Variants in ARHGEF9 observed in about 807,000 individuals in gnomAD.
The protein encoded by ARHGEF9 is Cdc42 guanine nucleotide exchange factor 9.
In ARHGEF9, 2 loss-of-function variants were observed where a neutral mutation model predicts 41.3. The observed-to-expected ratio is 0.05, with a 90% CI of 0.02 to 0.15. ARHGEF9 has a LOEUF of 0.15. Ranked by LOEUF, ARHGEF9 falls within the 10% of genes least tolerant of loss-of-function variation. The pLI is 1.00. For missense variants in ARHGEF9, 225 were observed against 424.7 expected (o/e 0.53, Z 4.13); for synonymous variants, 160 against 154.4 (o/e 1.04, Z -0.27).
intron 1 of ARHGEF9, among the ~76,000 whole-genome samples, chrX:63,765,859 C>A (rs1263145522): frequency 8.9e-6 from 1 of 111,764 alleles, no homozygotes; most frequent in Non-Finnish European, 1.9e-5. Flanking sequence ...AAATAAGGAA[C>A]TAGAAAAAAT....
intron 8 of ARHGEF9, among the ~76,000 whole-genome samples, chrX:63,648,607 C>A (rs1404267925): frequency 1.8e-5 from 2 of 111,336 alleles, no homozygotes; most frequent in African/African-American, 3.3e-5. Flanking sequence ...ACAATACTAA[C>A]CTTAAATGTA....
chrX:63,720,807 T>G (rs1556413268), intron 2 of ARHGEF9, among the ~76,000 whole-genome samples: 2 of 112,672 alleles, frequency 1.8e-5, no homozygotes, highest in Non-Finnish European at 3.7e-5. Flanking sequence ...CTCACTGTGC[T>G]TCTTTAAAAA....
intron 2 of ARHGEF9, among the ~76,000 whole-genome samples, chrX:63,720,744 A>G (rs1473830990): frequency 8.9e-6 from 1 of 112,348 alleles, no homozygotes; most frequent in Non-Finnish European, 1.9e-5. Context: ...ACCAATGGCA[A>G]CAAGCTGGGT....
chrX:63,678,634 G>A, intron 4 of ARHGEF9, 62 bp from the exon 5 acceptor site: 1 of 786,844 alleles, frequency 1.3e-6, no homozygotes, highest in Non-Finnish European at 1.9e-6. Flanking sequence ...AAGTCTTGAA[G>A]TAATGGAAAG....
At chrX:63,717,707 GTATTAT>G (rs2053397879) in intron 2 of ARHGEF9, among the ~76,000 whole-genome samples, 2 of 111,890 alleles carry the variant, frequency 1.8e-5, no homozygotes, top group Non-Finnish European at 3.8e-5. Flanking sequence ...AGTATTACCA[GTATTAT>G]TATTGAGTGT....
chrX:63,647,495 G>T (rs781901033), intron 8 of ARHGEF9, among the ~76,000 whole-genome samples: 1 of 111,660 alleles, frequency 9.0e-6, no homozygotes, highest in Non-Finnish European at 1.9e-5. Context: ...TAATCATGTG[G>T]TTTTTGTCAT....
chrX:63,706,480 G>A (rs1556402304), intron 2 of ARHGEF9, 31 bp from the exon 3 acceptor site: 1 of 1,178,548 alleles, frequency 8.5e-7, no homozygotes, highest in African/African-American at 1.8e-5. Context: ...AAAATAATGA[G>A]TTAGCTTCCT....
In ARHGEF9 at chrX:63,785,207, C is replaced by A. The variant is rs2056442952; in HGVS notation, c.-62G>T. On this transcript the variant is annotated 5_prime_UTR_variant, in exon 1 of 10. Transcript: ENST00000671741. ...GCTGGCGCGAGTTGTCGCGGGCTGA[C>A]TAGAAGGGCTGGGCTGAAGCAAGCG... The A allele has an allele frequency of 8.9e-7, 1 of 1,123,176 alleles. No individual in the cohort carries two copies. The highest frequency in any genetic ancestry group is 1.2e-6 in the Non-Finnish European group (1 of 837,263). The allele number at this position is 1,123,176 out of a possible 1,213,427, so 92.6% of individuals were successfully genotyped here.
intron 7 of ARHGEF9, 66 bp from the exon 8 acceptor site, chrX:63,655,803 G>A: frequency 8.6e-7 from 1 of 1,159,315 alleles, no homozygotes; most frequent in Non-Finnish European, 1.2e-6. Flanking sequence ...GTTGGCACAG[G>A]GGCACAGCAG....
intron 6 of ARHGEF9, among the ~76,000 whole-genome samples, chrX:63,671,056 CT>C (rs1401728326): frequency 8.9e-6 from 1 of 112,550 alleles, no homozygotes; most frequent in African/African-American, 3.2e-5. Context: ...AAGGTTTCCC[CT>C]ATGACTCCTC....
chrX:63,678,586 A>C lies in ARHGEF9; in HGVS notation c.583-14T>G. The C allele has an allele frequency of 1.7e-6, 2 of 1,150,572 alleles. No homozygotes were observed. Among genetic ancestry groups the C allele is most frequent in the South Asian group, 1.9e-5 (1 of 52,999 alleles). The allele number at this position is 1,150,572 out of a possible 1,213,427, so 94.8% of individuals were successfully genotyped here. ...GAATCCATCTTGCTGTGGGAAAAGA[A>C]AAAAAGGAAAGGAAAAGTCTACCAA... is the stretch of plus-strand genomic sequence containing the variant. On this transcript the variant is annotated splice_polypyrimidine_tract_variant and intron_variant, in intron 4 of 9. Transcript: ENST00000671741.
At chrX:63,671,299 A>G (rs1237975653) in intron 6 of ARHGEF9, 1 of 111,637 alleles carries the variant, frequency 9.0e-6, no homozygotes, top group Non-Finnish European at 1.9e-5. Context: ...ATACCAGGGA[A>G]CCTGTGAAAT....
intron 8 of ARHGEF9, among the ~76,000 whole-genome samples, chrX:63,647,979 G>T (rs2147173554): frequency 1.8e-5 from 2 of 111,542 alleles, no homozygotes; most frequent in East Asian, 2.8e-4. Flanking sequence ...TCTGATTGGT[G>T]TACCTGAAAG....
chrX:63,754,516 A>T, intron 1 of ARHGEF9: 1 of 1,093,744 alleles, frequency 9.1e-7, no homozygotes. Context: ...CATGAGTATG[A>T]CATTGACAAG....
intron 1 of ARHGEF9, among the ~76,000 whole-genome samples, chrX:63,737,294 T>C (rs1264733273): frequency 1.8e-5 from 2 of 112,574 alleles, no homozygotes; most frequent in East Asian, 5.6e-4. Flanking sequence ...TGTAGCTTGA[T>C]TCTGGACTTG....
At chrX:63,775,070 A>G (rs2056269716) in intron 1 of ARHGEF9, among the ~76,000 whole-genome samples, 1 of 112,742 alleles carries the variant, frequency 8.9e-6, no homozygotes, top group African/African-American at 3.2e-5. Flanking sequence ...AAGCATATGA[A>G]AAAATATTCA....
chrX:63,730,905 C>G (rs1196344994), intron 1 of ARHGEF9, among the ~76,000 whole-genome samples: 1 of 111,935 alleles, frequency 8.9e-6, no homozygotes, highest in Non-Finnish European at 1.9e-5. Context: ...TGGCTGTCAC[C>G]CAGTCTTTTA....
At chrX:63,769,847 T>C (rs1173842080) in intron 1 of ARHGEF9, among the ~76,000 whole-genome samples, 30 of 112,274 alleles carry the variant, frequency 2.7e-4, no homozygotes, top group African/African-American at 8.7e-4. Flanking sequence ...AAAAAATGTA[T>C]AAAAATGCCT....
chrX:63,735,135 G>A (rs1463315645), intron 1 of ARHGEF9, among the ~76,000 whole-genome samples: 3 of 111,539 alleles, frequency 2.7e-5, no homozygotes, highest in Non-Finnish European at 5.6e-5. Context: ...AGATATGGGA[G>A]CTGACCAGGA....
Sources: gnomAD v4.1 joint callset for allele counts (sites outside exome capture counted in the v4.1 genomes callset) on GRCh38, gnomAD v4.1.1 for gene constraint, MANE v1.5 for transcripts, NCBI Gene and HGNC (gene_info 2026-07-23, HGNC 2026-07-21) for gene names.